The following HMCN2 variants were observed in gnomAD, a reference collection of about 807,000 sequenced individuals.
The protein encoded by HMCN2 is hemicentin 2.
In HMCN2, 325 loss-of-function variants were observed where a neutral mutation model predicts 377.5. The observed-to-expected ratio is 0.86, with a 90% CI of 0.79 to 0.94. The LOEUF (loss-of-function observed/expected upper bound fraction) is 0.94. Ranked by LOEUF, HMCN2 falls within the 40% of genes least tolerant of loss-of-function variation. HMCN2 has a pLI of 0.00. For missense variants in HMCN2, 4,543 were observed against 4,725.3 expected, an observed-to-expected ratio of 0.96 and a Z score of 1.13; for synonymous variants, 2,007 against 2,046.8, an observed-to-expected ratio of 0.98 and a Z score of 0.53.
chr9:130,333,483 T>C (rs1005723608), intron 22 of HMCN2, among the ~76,000 whole-genome samples: 61,000 of 152,118 alleles, frequency 0.4, 13,393 homozygotes, highest in Non-Finnish European at 0.51. Flanking sequence ...TGCGCCTCAC[T>C]GCAGGGGCTC....
At chr9:130,317,506 T>TC (rs1837626816) in intron 15 of HMCN2, among the ~76,000 whole-genome samples, 51 of 138,150 alleles carry the variant, frequency 3.7e-4, no homozygotes, top group African/African-American at 1.2e-3. Flanking sequence ...TCTCTCTCTC[T>TC]TTTTTGTAGA....
chr9:130,358,204 G>A (rs946688374), intron 35 of HMCN2, among the ~76,000 whole-genome samples, 186 bp from the exon 36 acceptor site: 2 of 152,210 alleles, frequency 1.3e-5, no homozygotes, highest in Non-Finnish European at 2.9e-5. Context: ...ACAGGGAATG[G>A]TATGCCTGGA....
At chr9:130,380,079 T>C (rs1841623379) in intron 54 of HMCN2, among the ~76,000 whole-genome samples, 1 of 152,196 alleles carries the variant, frequency 6.6e-6, no homozygotes, top group Non-Finnish European at 1.5e-5. Flanking sequence ...TTTTTCCATG[T>C]TGGCCAGCCT....
Position 130,398,196 on chromosome 9 carries a change from A to T in HMCN2, c.11327-355A>T, listed in dbSNP as rs562558604. 2.7e-5 allele frequency among the ~76,000 whole-genome samples: 4 copies of T among 149,820 alleles called. No homozygotes were observed. The East Asian group carries it at 7.9e-4, about 30-fold the overall frequency. On this transcript the variant is annotated intron_variant, in intron 74 of 97. Coordinates refer to ENST00000683500, the MANE Select transcript of HMCN2 (RefSeq NM_001291815.2). ...AAAAAAAAGTAAAACATGTGAAAGG[A>T]TAAAATTCAAAATCACTAGAATCAG...
intron 85 of HMCN2, among the ~76,000 whole-genome samples, chr9:130,416,174 G>A (rs1843688645): frequency 1.4e-5 from 2 of 146,794 alleles, no homozygotes; most frequent in South Asian, 2.2e-4. Flanking sequence ...GCGCGATCTC[G>A]GCTCACTGCA....
chr9:130,340,273 G>C (rs1347239098), intron 23 of HMCN2, among the ~76,000 whole-genome samples: 1 of 152,252 alleles, frequency 6.6e-6, no homozygotes, highest in African/African-American at 2.4e-5. Context: ...CAGCATGCCA[G>C]CCACCGGGCT....
rs781878429 is a variant in HMCN2, at chr9:130,304,775, C to T, written c.1589C>T (p.Pro530Leu). 1 of 471,258 alleles carries T rather than the reference C, an allele frequency of 2.1e-6. No homozygotes were observed. The highest frequency in any genetic ancestry group is 4.4e-6 in the Non-Finnish European group (1 of 227,072). 29.2% of individuals were successfully genotyped at this position (471,258 alleles called of 1,614,324 possible). ...CCTGCTCCCAACGTGACCGTGTCCC[C>T]AGGGGAGACTGCCGTCCTATCCTGC... ...LVPAPNVTVS[P>L]GETAVLSCRV... The change falls in exon 11 of 98, where the codon CCA becomes CTA. Residue 530 changes from proline (P) to leucine (L), a missense_variant. Around this residue, in one of 5 missense-constraint regions of HMCN2, gnomAD observed 547 missense variants for 189.9 expected, o/e 2.88. Transcript: ENST00000683500. This position sits in a 1 kb window ranked among gnomAD's most constrained non-coding sequence, Gnocchi z 4.3.
rs887149388 is a variant in HMCN2, at chr9:130,428,827, G to T, written c.14197+338G>T. Reference sequence around the variant, plus strand: ...CGTTCTGTTCCCCCATATGAATCAAGGCCCAGCTAGAGACCACCTCTGAAT... The same window carrying T: ...CGTTCTGTTCCCCCATATGAATCAATGCCCAGCTAGAGACCACCTCTGAAT... On this transcript the variant is annotated intron_variant, in intron 93 of 97. Coordinates refer to ENST00000683500, the MANE Select transcript of HMCN2 (RefSeq NM_001291815.2). This position sits in a 1 kb window ranked among gnomAD's most constrained non-coding sequence, Gnocchi z 5.0. 3.9e-5 allele frequency among the ~76,000 whole-genome samples: 6 copies of T among 152,184 alleles called. No individual in the cohort carries two copies. The highest frequency in any genetic ancestry group is 1.4e-4 in the African/African-American group (6 of 41,438).
chr9:130,269,411 C>T (rs1564732612), intron 1 of HMCN2, among the ~76,000 whole-genome samples: 2 of 146,514 alleles, frequency 1.4e-5, no homozygotes, highest in Non-Finnish European at 3.0e-5. Context: ...TTGGTTTTTA[C>T]GTAGGCTTAA....
Position 130,366,417 on chromosome 9 carries a change from T to C in HMCN2, c.6625+422T>C, listed in dbSNP as rs1052315497. Among the ~76,000 whole-genome samples the C allele has an allele frequency of 1.3e-4, 20 of 151,212 alleles. 1 individual carries two copies. The highest frequency in any genetic ancestry group is 4.6e-4 in the Admixed American group (7 of 15,128). On this transcript the variant is annotated intron_variant, in intron 43 of 97. Coordinates refer to ENST00000683500, the MANE Select transcript of HMCN2 (RefSeq NM_001291815.2). Reference sequence around the variant, plus strand: ...GACCACCGCTGAATTCCAAGTTCAGTGTATGGTACAAAAAAGATGCTCAAA... The same window carrying C: ...GACCACCGCTGAATTCCAAGTTCAGCGTATGGTACAAAAAAGATGCTCAAA...
At chr9:130,288,396 C>T (rs886696168) in intron 4 of HMCN2, among the ~76,000 whole-genome samples, 1 of 152,218 alleles carries the variant, frequency 6.6e-6, no homozygotes, top group Non-Finnish European at 1.5e-5. Context: ...GGGCATGGAG[C>T]TCTGTTGTTC....
At chr9:130,335,568 G>T (rs1035633103) in intron 22 of HMCN2, among the ~76,000 whole-genome samples, 8 of 152,074 alleles carry the variant, frequency 5.3e-5, no homozygotes, top group Non-Finnish European at 8.8e-5. Flanking sequence ...TAATAGCAAG[G>T]CAGTTTAGGT....
chr9:130,405,055 T>C lies in HMCN2; in HGVS notation c.12335T>C (p.Leu4112Ser). ...TCTGGGGAGTTGCTGGTGAAGAACT[T>C]GGAGGTGAGGCACTGCCCCAAGGGG... is the stretch of plus-strand genomic sequence containing the variant. ...QPSGELLVKN[L>S]EGQDAGTYTC... The change falls in exon 81 of 98, where the codon TTG becomes TCG. Residue 4112 changes from leucine (L) to serine (S), a missense_variant. Physicochemically the swap from Leu to Ser is moderately radical, Grantham distance 145 (BLOSUM62 -2). Coordinates refer to ENST00000683500, the MANE Select transcript of HMCN2 (RefSeq NM_001291815.2). 1 of 1,284,826 alleles carries C rather than the reference T, an allele frequency of 7.8e-7. No homozygotes were observed. Among genetic ancestry groups the C allele is most frequent in the Non-Finnish European group, 1.0e-6 (1 of 986,638 alleles). The allele number at this position is 1,284,826 out of a possible 1,614,324, so 79.6% of individuals were successfully genotyped here. A position where few individuals can be genotyped will look rare whatever the true frequency, so the allele number is the denominator to read the frequency against.
intron 21 of HMCN2, 140 bp from the exon 22 acceptor site, chr9:130,327,170 A>T (rs1838183805): frequency 6.6e-6 from 1 of 152,194 alleles, no homozygotes; most frequent in African/African-American, 2.4e-5. Context: ...TCTGACAGCC[A>T]TATCCACCTT....
intron 1 of HMCN2, among the ~76,000 whole-genome samples, chr9:130,275,779 A>T (rs1834658736): frequency 6.6e-6 from 1 of 152,140 alleles, no homozygotes; most frequent in Admixed American, 6.5e-5. Context: ...GCCTTGCCTC[A>T]TGAAATAGAA....
At chr9:130,282,233 C>G (rs187322872) in intron 1 of HMCN2, among the ~76,000 whole-genome samples, 3 of 152,040 alleles carry the variant, frequency 2.0e-5, no homozygotes, top group Admixed American at 2.0e-4. Context: ...ATTTGCTGAG[C>G]CTTTGCTCCA....
intron 86 of HMCN2, among the ~76,000 whole-genome samples, chr9:130,420,460 C>T (rs891476880): frequency 6.6e-6 from 1 of 152,048 alleles, no homozygotes; most frequent in Non-Finnish European, 1.5e-5. Context: ...TTCTGTAGGG[C>T]TACTGGTAAA....
chr9:130,287,528 G>A (rs1180341259), intron 4 of HMCN2, among the ~76,000 whole-genome samples: 1 of 143,296 alleles, frequency 7.0e-6, no homozygotes, highest in Non-Finnish European at 1.5e-5. Flanking sequence ...TCCAGCCTGG[G>A]CAACAAGAGT....
intron 22 of HMCN2, among the ~76,000 whole-genome samples, chr9:130,330,968 AACACACAC>A (rs1173053980): frequency 0.017 from 2,234 of 131,506 alleles, 25 homozygotes; most frequent in Middle Eastern, 0.034. Flanking sequence ...TCTCTACTGA[AACACACAC>A]ACACACACAC....
Sources: allele counts gnomAD v4.1 joint callset (sites outside exome capture counted in the v4.1 genomes callset), GRCh38; gene constraint gnomAD v4.1.1; regional missense constraint gnomAD v4.1.1; non-coding constraint Gnocchi (gnomAD v3.1); transcripts MANE v1.5; gene names NCBI Gene and HGNC (gene_info 2026-07-23, HGNC 2026-07-21).